Variants in AUTS2 observed in about 807,000 individuals in gnomAD.
AUTS2 encodes autism susceptibility gene 2 protein.
AUTS2 carries 17 observed loss-of-function variants against 112.4 expected under a neutral mutation model. The ratio of observed to expected loss-of-function variants is 0.15; its 90% CI spans 0.10 to 0.23. The LOEUF is 0.23. Among genes scored for constraint, AUTS2 ranks in the 10% least tolerant of loss-of-function variants. The pLI, the probability that AUTS2 is intolerant of heterozygous loss-of-function variation, is 1.00. For synonymous variants in AUTS2, 751 were observed against 702.7 expected (o/e 1.07, Z -1.09); for missense variants, 1,510 against 1,701.6 (o/e 0.89, Z 1.98).
chr7:70,029,017 T>C (rs1192082642), intron 2 of AUTS2, among the ~76,000 whole-genome samples: 1 of 152,134 alleles, frequency 6.6e-6, no homozygotes, highest in Non-Finnish European at 1.5e-5. Context: ...TAAAGTGCCC[T>C]TTAGCTGTGT....
chr7:70,451,315 A>G (rs1231470617), intron 5 of AUTS2, among the ~76,000 whole-genome samples: 1 of 152,162 alleles, frequency 6.6e-6, no homozygotes, highest in Non-Finnish European at 1.5e-5. Context: ...CCTCAGTATC[A>G]CTCAATATAC....
chr7:70,769,000 T>G (rs1020880762), intron 10 of AUTS2, among the ~76,000 whole-genome samples: 11 of 152,044 alleles, frequency 7.2e-5, no homozygotes, highest in Non-Finnish European at 1.5e-4. Flanking sequence ...ATTTGAGAAG[T>G]GCTACTTTAA....
rs558946307 is a variant in AUTS2 at position 69,987,598 on chromosome 7, C to T, written c.522+88100C>T. The stretch of plus-strand genomic sequence containing the variant: ...CCTCCTGCCTCAGTGTCTCTGTAGC[C>T]GGGACTACAGGTGTGCGCCACTATG... On this transcript the variant is annotated intron_variant, in intron 2 of 18. Coordinates refer to ENST00000342771, the MANE Select transcript of AUTS2 (RefSeq NM_015570.4). Among the ~76,000 whole-genome samples the T allele has an allele frequency of 8.0e-4, 121 of 152,006 alleles. 1 individual carries two copies. The highest frequency in any genetic ancestry group is 1.4e-3 in the Non-Finnish European group (94 of 67,988).
chr7:69,717,764 C>A (rs897239617), intron 1 of AUTS2, among the ~76,000 whole-genome samples: 1 of 152,088 alleles, frequency 6.6e-6, no homozygotes, highest in Admixed American at 6.5e-5. Context: ...AAAGGCTCTT[C>A]CTCTGTTTCT....
chr7:70,663,805 G>C (rs1807196369), intron 5 of AUTS2, among the ~76,000 whole-genome samples: 1 of 152,096 alleles, frequency 6.6e-6, no homozygotes, highest in African/African-American at 2.4e-5. Flanking sequence ...TCATGAGTTT[G>C]GCACATAATT....
intron 1 of AUTS2, among the ~76,000 whole-genome samples, chr7:69,830,063 G>T (rs768840732): frequency 6.6e-6 from 1 of 152,124 alleles, no homozygotes; most frequent in South Asian, 2.1e-4. Context: ...CCACAAAAAG[G>T]AATGAGATTA....
chr7:69,982,690 AC>A (rs1160729637), intron 2 of AUTS2, among the ~76,000 whole-genome samples: 1 of 152,222 alleles, frequency 6.6e-6, no homozygotes, highest in East Asian at 1.9e-4. Context: ...CATTGGTCCT[AC>A]ATGTGATAAA....
At chr7:69,912,730 C>T (rs2129541983) in intron 2 of AUTS2, among the ~76,000 whole-genome samples, 1 of 152,280 alleles carries the variant, frequency 6.6e-6, no homozygotes, top group Non-Finnish European at 1.5e-5. Context: ...TTTCATTTTA[C>T]TCCCTCCTTC....
intron 2 of AUTS2, among the ~76,000 whole-genome samples, chr7:69,914,356 GACACACACACACACACACACACACAC>G (rs66527808): frequency 7.4e-6 from 1 of 136,004 alleles, no homozygotes; most frequent in Non-Finnish European, 1.6e-5. Context: ...CACACACACA[GACACACACACACACACACACACACAC>G]ACACACACAC....
chr7:69,740,994 A>G (rs1787241168), intron 1 of AUTS2, among the ~76,000 whole-genome samples: 2 of 152,148 alleles, frequency 1.3e-5, no homozygotes, highest in South Asian at 2.1e-4. Flanking sequence ...TCTAGTTACC[A>G]TCTTGTTGAC....
At chr7:70,469,674 TC>T (rs1797302221) in intron 5 of AUTS2, among the ~76,000 whole-genome samples, 1 of 152,216 alleles carries the variant, frequency 6.6e-6, no homozygotes, top group African/African-American at 2.4e-5. Context: ...AGAGTCTTGC[TC>T]TGTTGCCCCG....
At chr7:70,391,587 T>C (rs188327582) in intron 4 of AUTS2, among the ~76,000 whole-genome samples, 185 of 152,208 alleles carry the variant, frequency 1.2e-3, no homozygotes, top group African/African-American at 3.9e-3. Context: ...AAAACTGTTA[T>C]CAACCCCAAC....
chr7:69,820,685 G>C (rs186521736), intron 1 of AUTS2, among the ~76,000 whole-genome samples: 1 of 152,324 alleles, frequency 6.6e-6, no homozygotes, highest in East Asian at 1.9e-4. Flanking sequence ...CATCAAGGCA[G>C]TGTTTGCTGG....
intron 1 of AUTS2, among the ~76,000 whole-genome samples, chr7:69,839,611 G>A (rs926533293): frequency 1.3e-5 from 2 of 152,086 alleles, no homozygotes; most frequent in Non-Finnish European, 2.9e-5. Context: ...CTTTTAGAGA[G>A]TTACAAGAAA....
At chr7:70,034,946 C>G (rs1039831987) in intron 2 of AUTS2, among the ~76,000 whole-genome samples, 1 of 152,148 alleles carries the variant, frequency 6.6e-6, no homozygotes, top group Non-Finnish European at 1.5e-5. Context: ...ATCCTCTCAC[C>G]TTAGCTTTCC....
At chr7:69,794,125 A>G (rs1303849978) in intron 1 of AUTS2, among the ~76,000 whole-genome samples, 1 of 152,146 alleles carries the variant, frequency 6.6e-6, no homozygotes, top group African/African-American at 2.4e-5. Context: ...TCATATTAGG[A>G]TGGAGAATTG....
At chr7:70,142,523 C>T (rs117463770) in intron 4 of AUTS2, among the ~76,000 whole-genome samples, 4 of 152,050 alleles carry the variant, frequency 2.6e-5, no homozygotes, top group Admixed American at 6.6e-5. Flanking sequence ...ACGGAGTGGC[C>T]GAGTCTGCTT....
chr7:69,637,001 G>T (rs1397828899), intron 1 of AUTS2, among the ~76,000 whole-genome samples: 1 of 152,040 alleles, frequency 6.6e-6, no homozygotes, highest in Non-Finnish European at 1.5e-5. Context: ...TCCTGACCTC[G>T]TGATCCACCT....
At chr7:70,149,516 A>C (rs926799406) in intron 4 of AUTS2, among the ~76,000 whole-genome samples, 7 of 152,078 alleles carry the variant, frequency 4.6e-5, no homozygotes, top group Non-Finnish European at 8.8e-5. Context: ...TTCCTTTTCC[A>C]TATCAGCATT....
Sources: gnomAD v4.1 joint callset for allele counts (sites outside exome capture counted in the v4.1 genomes callset) on GRCh38, gnomAD v4.1.1 for gene constraint, MANE v1.5 for transcripts, NCBI Gene and HGNC (gene_info 2026-07-23, HGNC 2026-07-21) for gene names.